The following EDA variants were observed in gnomAD, a reference collection of about 807,000 sequenced individuals.
EDA encodes ectodysplasin-A.
EDA carries 2 observed loss-of-function variants against 23.6 expected under a neutral mutation model. The observed-to-expected ratio is 0.08, with a 90% CI of 0.03 to 0.27. The LOEUF (loss-of-function observed/expected upper bound fraction) is 0.27. EDA is among the 10% of genes least tolerant of loss of function. The pLI is 1.00. For synonymous variants in EDA, 131 were observed against 132.0 expected, an observed-to-expected ratio of 0.99 and a Z score of 0.05; for missense variants, 229 against 324.2, an observed-to-expected ratio of 0.71 and a Z score of 2.26.
chrX:69,788,522 C>T (rs935655719), intron 1 of EDA, among the ~76,000 whole-genome samples: 2 of 111,876 alleles, frequency 1.8e-5, no homozygotes, highest in Non-Finnish European at 3.8e-5. Flanking sequence ...ACAGGACCCT[C>T]AGCTGCAGGT....
chrX:69,823,636 A>G (rs2016307576), intron 1 of EDA, among the ~76,000 whole-genome samples: 1 of 93,171 alleles, frequency 1.1e-5, no homozygotes, highest in African/African-American at 4.2e-5. Flanking sequence ...ATTTTCTCCC[A>G]TTCTGTAGGT....
intron 1 of EDA, among the ~76,000 whole-genome samples, chrX:69,775,655 G>A (rs963207520): frequency 2.7e-5 from 3 of 111,339 alleles, no homozygotes; most frequent in African/African-American, 9.8e-5. Flanking sequence ...CACCTAATTG[G>A]TATGATTTAT....
intron 1 of EDA, among the ~76,000 whole-genome samples, chrX:69,787,916 C>G (rs2015252419): frequency 8.9e-6 from 1 of 111,911 alleles, no homozygotes; most frequent in South Asian, 3.8e-4. Context: ...CTCCCCATCA[C>G]TTTCAGGTAC....
intron 1 of EDA, among the ~76,000 whole-genome samples, chrX:69,659,292 C>T (rs894727665): frequency 3.6e-5 from 4 of 112,172 alleles, no homozygotes; most frequent in African/African-American, 1.3e-4. Flanking sequence ...GTTTATACTA[C>T]ATTTCGGGAA....
chrX:69,850,855 A>G (rs771929164), intron 1 of EDA, among the ~76,000 whole-genome samples: 4 of 111,808 alleles, frequency 3.6e-5, no homozygotes, highest in Non-Finnish European at 7.5e-5. Context: ...GCTTTTGCAC[A>G]TACTACATGT....
chrX:69,676,632 T>C (rs1934095459), intron 1 of EDA, among the ~76,000 whole-genome samples: 1 of 110,676 alleles, frequency 9.0e-6, no homozygotes, highest in Admixed American at 9.6e-5. Context: ...TCTTGATAAA[T>C]GTTCAGTGGT....
At chrX:69,978,930 C>T (rs2019362855) in intron 2 of EDA, among the ~76,000 whole-genome samples, 1 of 111,425 alleles carries the variant, frequency 9.0e-6, no homozygotes, top group African/African-American at 3.3e-5. Context: ...CCATTTTAAC[C>T]ATTTTTAAGT....
chrX:69,636,217 G>A (rs112155528), intron 1 of EDA, among the ~76,000 whole-genome samples: 21 of 110,001 alleles, frequency 1.9e-4, no homozygotes, highest in African/African-American at 6.6e-4. Context: ...TTCTCATGAG[G>A]TCTGGTTGTT....
chrX:69,761,071 G>C (rs1053113433), intron 1 of EDA, among the ~76,000 whole-genome samples: 1 of 110,614 alleles, frequency 9.0e-6, no homozygotes, highest in African/African-American at 3.3e-5. Context: ...TTAGAGACGA[G>C]GCTCTAAGAG....
intron 1 of EDA, among the ~76,000 whole-genome samples, chrX:69,731,304 G>T (rs1251670813): frequency 2.7e-5 from 3 of 111,631 alleles, no homozygotes; most frequent in Non-Finnish European, 5.6e-5. Context: ...CAAAGAACCA[G>T]CTATTGGCTT....
chrX:69,786,111 T>G (rs1205244031), intron 1 of EDA, among the ~76,000 whole-genome samples: 1 of 109,723 alleles, frequency 9.1e-6, no homozygotes, highest in African/African-American at 3.3e-5. Flanking sequence ...CTGATGGTAG[T>G]TTGTATTTCT....
At chrX:70,031,366 G>A (rs2020197129) in intron 6 of EDA, among the ~76,000 whole-genome samples, 1 of 111,675 alleles carries the variant, frequency 9.0e-6, no homozygotes, top group Admixed American at 9.5e-5. Flanking sequence ...TGAATGATTA[G>A]GTTCATTTTC....
intron 1 of EDA, among the ~76,000 whole-genome samples, chrX:69,888,978 T>TATATATATATATATA (rs1556026049): frequency 0.012 from 191 of 16,011 alleles, 19 homozygotes; most frequent in Non-Finnish European, 0.013. Flanking sequence ...TGTGGGGTAG[T>TATATATATATATATA]TATATATATA....
intron 1 of EDA, among the ~76,000 whole-genome samples, chrX:69,942,222 A>G (rs1335523439): frequency 8.9e-6 from 1 of 111,863 alleles, no homozygotes; most frequent in Non-Finnish European, 1.9e-5. Context: ...AGAGTTATTT[A>G]CACACCAGAG....
intron 1 of EDA, among the ~76,000 whole-genome samples, chrX:69,698,137 G>A (rs772959667): frequency 8.0e-5 from 9 of 111,863 alleles, no homozygotes; most frequent in Non-Finnish European, 1.3e-4. Context: ...CCGTTGCGGA[G>A]GCCATTTGTC....
In EDA at chrX:69,681,429, G is replaced by C. The variant is rs1394712719; in HGVS notation, c.396+64725G>C. On this transcript the variant is annotated intron_variant, in intron 1 of 7. Coordinates refer to ENST00000374552, the MANE Select transcript of EDA (RefSeq NM_001399.5). ...TCCTGCAGAGTGTTTTCCAACTTGG[G>C]TCCATTCTCCCCGTCACTTTCAGGT... Among the ~76,000 whole-genome samples, 6 of 111,117 alleles carry C rather than the reference G, an allele frequency of 5.4e-5. No homozygotes were observed. The East Asian group carries it at 1.7e-3, about 31-fold the overall frequency.
chrX:69,647,908 T>C (rs184755533), intron 1 of EDA, among the ~76,000 whole-genome samples: 1 of 112,307 alleles, frequency 8.9e-6, no homozygotes, highest in African/African-American at 3.2e-5. Context: ...GTTGTTGTTT[T>C]CTGTTTGTTT....
intron 2 of EDA, among the ~76,000 whole-genome samples, chrX:69,987,299 AAT>A (rs1289531887): frequency 2.5e-4 from 23 of 93,285 alleles, no homozygotes; most frequent in Non-Finnish European, 2.9e-4. Context: ...TAAAAAAAAA[AAT>A]TTTTTTTTTT....
intron 1 of EDA, among the ~76,000 whole-genome samples, chrX:69,748,593 T>C (rs754529118): frequency 1.1e-3 from 118 of 111,901 alleles, no homozygotes; most frequent in African/African-American, 3.8e-3. Flanking sequence ...ATCTTTAGGA[T>C]AATCAATACA....
Sources: gnomAD v4.1 joint callset for allele counts (sites outside exome capture counted in the v4.1 genomes callset) on GRCh38, gnomAD v4.1.1 for gene constraint, MANE v1.5 for transcripts, NCBI Gene and HGNC (gene_info 2026-07-23, HGNC 2026-07-21) for gene names.